Variants in PGBD5 observed in about 807,000 individuals in gnomAD.
The protein encoded by PGBD5 is piggyBac transposable element-derived protein 5.
Under a neutral mutation model 47.9 loss-of-function variants are expected in PGBD5, and 14 were observed. That is an observed-to-expected ratio of 0.29 (90% confidence interval 0.19 to 0.46). The LOEUF (loss-of-function observed/expected upper bound fraction) is 0.46. Ranked by LOEUF, PGBD5 falls within the 20% of genes least tolerant of loss-of-function variation. The pLI is 1.00. For missense variants in PGBD5, 635 were observed against 716.0 expected (o/e 0.89, Z 1.29); for synonymous variants, 316 against 306.3 (o/e 1.03, Z -0.33).
chr1:230,347,476 C>CTTTT (rs71733326), intron 3 of PGBD5, among the ~76,000 whole-genome samples: 13 of 113,446 alleles, frequency 1.1e-4, no homozygotes, highest in African/African-American at 1.6e-4. Flanking sequence ...ATTTTCTTTT[C>CTTTT]TTTTTTTTTT....
chr1:230,399,982 T>A (rs1657094613), intron 1 of PGBD5, among the ~76,000 whole-genome samples: 1 of 152,166 alleles, frequency 6.6e-6, no homozygotes, highest in Admixed American at 6.5e-5. Context: ...ACTCACAGCA[T>A]CTCTTTAAAA....
chr1:230,391,205 T>C (rs1267625352), intron 1 of PGBD5, among the ~76,000 whole-genome samples: 2 of 152,080 alleles, frequency 1.3e-5, no homozygotes, highest in African/African-American at 4.8e-5. Flanking sequence ...GTGGCTGACA[T>C]CTGGAACAAA....
intron 1 of PGBD5, among the ~76,000 whole-genome samples, chr1:230,417,205 C>T (rs34034640): frequency 6.6e-6 from 1 of 152,036 alleles, no homozygotes; most frequent in South Asian, 2.1e-4. Context: ...TCTCCCACCC[C>T]CAAGATCATG....
chr1:230,327,522 A>G (rs1667140399), intron 5 of PGBD5, among the ~76,000 whole-genome samples: 1 of 152,228 alleles, frequency 6.6e-6, no homozygotes, highest in Non-Finnish European at 1.5e-5. Context: ...CTAGAGACGC[A>G]GGACCGGGGA....
chr1:230,419,470 G>C (rs1657600390), intron 1 of PGBD5, among the ~76,000 whole-genome samples: 1 of 152,184 alleles, frequency 6.6e-6, no homozygotes, highest in African/African-American at 2.4e-5. Flanking sequence ...TCACCACAGG[G>C]TGATGGGCTC....
intron 1 of PGBD5, among the ~76,000 whole-genome samples, chr1:230,373,527 T>C (rs1667962290): frequency 6.6e-6 from 1 of 152,130 alleles, no homozygotes; most frequent in Non-Finnish European, 1.5e-5. Context: ...TCCCCAAACA[T>C]CTGAGCATGC....
At chr1:230,365,513 C>T (rs1163237765) in intron 1 of PGBD5, among the ~76,000 whole-genome samples, 3 of 152,168 alleles carry the variant, frequency 2.0e-5, no homozygotes, top group African/African-American at 7.2e-5. Context: ...GAGCCACTCT[C>T]AACACGACAC....
chr1:230,346,004 C>T lies in PGBD5; in HGVS notation c.894+4954G>A, dbSNP rs529049923. On this transcript the variant is annotated intron_variant, in intron 3 of 6. Coordinates refer to ENST00000391860, the MANE Select transcript of PGBD5 (RefSeq NM_001258311.2). ...CCACATTGCTGGTACTACAGGAACT[C>T]GCCACTGCACCCAGCTTTAAATGCA... Among the ~76,000 whole-genome samples the T allele has an allele frequency of 4.6e-5, 7 of 152,190 alleles. No homozygotes were observed. In the South Asian group the frequency reaches 1.2e-3, roughly 27 times the overall value.
chr1:230,340,875 G>A (rs1057420360), intron 3 of PGBD5, among the ~76,000 whole-genome samples: 5 of 152,002 alleles, frequency 3.3e-5, no homozygotes, highest in Non-Finnish European at 7.4e-5. Flanking sequence ...ACTCAGCCTC[G>A]TGTCCACACA....
chr1:230,402,779 T>A (rs1329194937), intron 1 of PGBD5, among the ~76,000 whole-genome samples: 3 of 152,216 alleles, frequency 2.0e-5, no homozygotes, highest in African/African-American at 7.2e-5. Flanking sequence ...CGAGCCCCAG[T>A]GCCCAGCCAG....
intron 1 of PGBD5, among the ~76,000 whole-genome samples, chr1:230,415,527 T>C (rs1356858251): frequency 6.6e-6 from 1 of 152,198 alleles, no homozygotes; most frequent in African/African-American, 2.4e-5. Context: ...ACATCAAAAT[T>C]GAATTTATCT....
chr1:230,398,353 G>T (rs935907021), intron 1 of PGBD5, among the ~76,000 whole-genome samples: 2 of 152,034 alleles, frequency 1.3e-5, no homozygotes, highest in Non-Finnish European at 2.9e-5. Context: ...TGCACAGGGC[G>T]GTCTCCATGT....
At chr1:230,341,184 A>G (rs1667403513) in intron 3 of PGBD5, among the ~76,000 whole-genome samples, 1 of 152,206 alleles carries the variant, frequency 6.6e-6, no homozygotes, top group South Asian at 2.1e-4. Flanking sequence ...TTAAATAAAT[A>G]CAAAAAAGAG....
At chr1:230,354,474 G>A (rs114686181) in intron 2 of PGBD5, among the ~76,000 whole-genome samples, 1,942 of 152,306 alleles carry the variant, frequency 0.013, 38 homozygotes, top group African/African-American at 0.043. Context: ...AAGGGAGTCA[G>A]GGGAGGGACC....
At chr1:230,390,038 A>T (rs1398855553) in intron 1 of PGBD5, among the ~76,000 whole-genome samples, 3 of 152,196 alleles carry the variant, frequency 2.0e-5, no homozygotes, top group African/African-American at 7.2e-5. Flanking sequence ...AAAAGAGAAC[A>T]CAGCTCTGGA....
intron 1 of PGBD5, among the ~76,000 whole-genome samples, chr1:230,422,770 G>A (rs1486333809): frequency 6.6e-6 from 1 of 152,168 alleles, no homozygotes; most frequent in Admixed American, 6.5e-5. Context: ...GACAAGAACA[G>A]CCTGAAGAAT....
At chr1:230,333,473 G>A (rs1456824226) in intron 4 of PGBD5, among the ~76,000 whole-genome samples, 1 of 152,190 alleles carries the variant, frequency 6.6e-6, no homozygotes, top group Admixed American at 6.5e-5. Context: ...GACTCGAGAA[G>A]GGCGAAGCCC....
intron 1 of PGBD5, among the ~76,000 whole-genome samples, chr1:230,371,690 C>A (rs990072235): frequency 5.9e-5 from 9 of 152,216 alleles, no homozygotes; most frequent in South Asian, 2.1e-4. Flanking sequence ...GAAGGGAACA[C>A]TGACCTTAAT....
At chr1:230,417,551 C>T (rs144099789) in intron 1 of PGBD5, among the ~76,000 whole-genome samples, 15 of 152,348 alleles carry the variant, frequency 9.8e-5, no homozygotes, top group East Asian at 3.9e-4. Flanking sequence ...CAAAATGGCA[C>T]GCCTTCTCTC....
Sources: gnomAD v4.1 joint callset for allele counts (sites outside exome capture counted in the v4.1 genomes callset) on GRCh38, gnomAD v4.1.1 for gene constraint, MANE v1.5 for transcripts, NCBI Gene and HGNC (gene_info 2026-07-23, HGNC 2026-07-21) for gene names.